Variants in FRAS1 observed in about 807,000 individuals in gnomAD.
The protein encoded by FRAS1 is Fraser extracellular matrix complex subunit 1, also known as extracellular matrix organizing protein FRAS1.
In FRAS1, 290 loss-of-function variants were observed where a neutral mutation model predicts 435.2. That is an observed-to-expected ratio of 0.67 (90% CI 0.61 to 0.73). The LOEUF is 0.73. Ranked by LOEUF, FRAS1 falls within the 30% of genes least tolerant of loss-of-function variation. The pLI is 0.00. For synonymous variants in FRAS1, 1,800 were observed against 1,851.0 expected (o/e 0.97, Z 0.71); for missense variants, 4,860 against 5,001.5 (o/e 0.97, Z 0.85).
intron 10 of FRAS1, among the ~76,000 whole-genome samples, chr4:78,279,641 G>T (rs2110176472): frequency 6.6e-6 from 1 of 152,144 alleles, no homozygotes; most frequent in Admixed American, 6.5e-5. Flanking sequence ...GTTTTATTTT[G>T]CCCTGTGTCT....
At chr4:78,218,311 G>A (rs1344860936) in intron 2 of FRAS1, among the ~76,000 whole-genome samples, 1 of 151,512 alleles carries the variant, frequency 6.6e-6, no homozygotes, top group African/African-American at 2.4e-5. Context: ...CTACCCTAAA[G>A]CTCTCTTTTT....
intron 38 of FRAS1, 140 bp from the exon 39 acceptor site, chr4:78,438,430 A>G: frequency 1.3e-6 from 1 of 793,552 alleles, no homozygotes; most frequent in Non-Finnish European, 2.0e-6. Flanking sequence ...TTTGAAATAC[A>G]AAGAGAAAGA....
At chr4:78,237,699 T>C in intron 3 of FRAS1, 82 bp downstream of exon 3, 1 of 617,320 alleles carries the variant, frequency 1.6e-6, no homozygotes, top group Non-Finnish European at 2.6e-6. Flanking sequence ...GACATCTGTT[T>C]TTGACATTTA....
At chr4:78,520,124 A>C (rs1721340332) in intron 67 of FRAS1, among the ~76,000 whole-genome samples, 1 of 151,504 alleles carries the variant, frequency 6.6e-6, no homozygotes, top group African/African-American at 2.4e-5. Context: ...ACCCCCACTC[A>C]GTTTCCACAC....
chr4:78,082,681 T>G (rs755417304), intron 2 of FRAS1, among the ~76,000 whole-genome samples: 1 of 152,134 alleles, frequency 6.6e-6, no homozygotes, highest in Non-Finnish European at 1.5e-5. Context: ...TTCATTCACA[T>G]AATAAGTAGA....
chr4:78,059,121 C>G (rs1399283356), intron 1 of FRAS1, among the ~76,000 whole-genome samples: 1 of 152,162 alleles, frequency 6.6e-6, no homozygotes, highest in African/African-American at 2.4e-5. Context: ...TGGGCGGCGG[C>G]GGCGGGCGCA....
intron 2 of FRAS1, among the ~76,000 whole-genome samples, chr4:78,157,822 G>A (rs567148375): frequency 8.6e-4 from 130 of 151,970 alleles, no homozygotes; most frequent in African/African-American, 3.0e-3. Context: ...GTTTAATTAG[G>A]TCCCATTTAT....
At chr4:78,411,108 A>ATTTTTTTT (rs369399937) in intron 31 of FRAS1, among the ~76,000 whole-genome samples, 5 of 142,854 alleles carry the variant, frequency 3.5e-5, no homozygotes, top group Non-Finnish European at 3.0e-5. Flanking sequence ...AGTTGCATGG[A>ATTTTTTTT]TTTTTTTTCT....
intron 20 of FRAS1, among the ~76,000 whole-genome samples, chr4:78,339,123 G>T (rs1040519182): frequency 2.0e-5 from 3 of 152,190 alleles, no homozygotes; most frequent in Non-Finnish European, 4.4e-5. Context: ...TCGTAGTCAG[G>T]ACTGTCTTGG....
chr4:78,372,665 G>A (rs902069797), intron 23 of FRAS1, 53 bp from the exon 24 acceptor site: 3 of 1,602,004 alleles, frequency 1.9e-6, no homozygotes, highest in Non-Finnish European at 2.6e-6. Flanking sequence ...ATGAACTGCT[G>A]GGTCTGAGGG....
At chr4:78,265,837 A>T (rs1431430831) in intron 7 of FRAS1, among the ~76,000 whole-genome samples, 1 of 152,236 alleles carries the variant, frequency 6.6e-6, no homozygotes, top group African/African-American at 2.4e-5. Context: ...CATGACTCTC[A>T]GTAGAAAATC....
At position 78,519,073 on chromosome 4, in the gene FRAS1, G is replaced by A. The variant is rs1282126580; in HGVS notation, c.10390-258G>A. Among the ~76,000 whole-genome samples the A allele has an allele frequency of 2.0e-5, 3 of 150,282 alleles. No individual in the cohort carries two copies. The East Asian group carries it at 5.8e-4, about 29-fold the overall frequency. On this transcript the variant is annotated intron_variant, in intron 66 of 73. Coordinates refer to ENST00000512123, the MANE Select transcript of FRAS1 (RefSeq NM_025074.7). ...CAGAGCTCATTCTCCCACTTCAAAA[G>A]TATTTTTGTTCAAGTGCCACCTCCT...
At chr4:78,295,524 T>TTG (rs1381049623) in intron 14 of FRAS1, among the ~76,000 whole-genome samples, 1 of 152,216 alleles carries the variant, frequency 6.6e-6, no homozygotes, top group Non-Finnish European at 1.5e-5. Flanking sequence ...TTAATCATGC[T>TTG]TGTCAGTTGA....
intron 22 of FRAS1, among the ~76,000 whole-genome samples, chr4:78,368,565 G>GC (rs1354385301): frequency 1.3e-5 from 2 of 152,138 alleles, no homozygotes; most frequent in Non-Finnish European, 2.9e-5. Flanking sequence ...CAGATAACCA[G>GC]CTAGGTGCTG....
intron 2 of FRAS1, among the ~76,000 whole-genome samples, chr4:78,120,393 A>G (rs1432253460): frequency 6.6e-6 from 1 of 152,188 alleles, no homozygotes; most frequent in Non-Finnish European, 1.5e-5. Flanking sequence ...AATAGCATGT[A>G]TTCTAAATAC....
chr4:78,276,819 A>G (rs1177790312), intron 9 of FRAS1, among the ~76,000 whole-genome samples: 2 of 152,216 alleles, frequency 1.3e-5, no homozygotes, highest in East Asian at 3.9e-4. Context: ...CTGTGCTTGG[A>G]GGACCACTTT....
rs750669742 is a variant in FRAS1, at chr4:78,540,694, A to G, written c.11609A>G (p.Tyr3870Cys). The G allele has an allele frequency of 4.3e-6, 7 of 1,613,852 alleles. No individual in the cohort carries two copies. The highest frequency in any genetic ancestry group is 1.7e-5 in the Admixed American group (1 of 60,018). The change falls in exon 74 of 74, where the codon TAT becomes TGT. Residue 3870 changes from tyrosine (Y) to cysteine (C), a missense_variant. Physicochemically the swap from Tyr to Cys is radical, Grantham distance 194. Transcript: ENST00000512123. Reference sequence around the variant, plus strand: ...CTGATCCTTGATGATTCCCTCATCTATGACAATGAAGGAGACCAAGTCAAG... The same window carrying G: ...CTGATCCTTGATGATTCCCTCATCTGTGACAATGAAGGAGACCAAGTCAAG... ...GQLILDDSLI[Y>C]DNEGDQVKNG...
chr4:78,079,691 G>A (rs1740810341), intron 2 of FRAS1, among the ~76,000 whole-genome samples: 1 of 152,034 alleles, frequency 6.6e-6, no homozygotes, highest in Admixed American at 6.6e-5. Context: ...CAGTTCAAAT[G>A]GCTAATATTC....
intron 14 of FRAS1, among the ~76,000 whole-genome samples, chr4:78,296,055 A>T (rs1451346109): frequency 6.6e-6 from 1 of 151,550 alleles, no homozygotes; most frequent in Admixed American, 6.6e-5. Context: ...ACTCAGCCAG[A>T]TATTTCCTTC....
Sources: allele counts gnomAD v4.1 joint callset (sites outside exome capture counted in the v4.1 genomes callset), GRCh38; gene constraint gnomAD v4.1.1; transcripts MANE v1.5; gene names NCBI Gene and HGNC (gene_info 2026-07-23, HGNC 2026-07-21).